Variants in B4GALT6 observed in about 807,000 individuals in gnomAD.
B4GALT6 encodes UDP-Gal:beta-GlcNAc beta-1,4-galactosyltransferase 6.
B4GALT6 carries 14 observed loss-of-function variants against 46.3 expected under a neutral mutation model. The observed-to-expected ratio is 0.30, with a 90% CI of 0.20 to 0.47. The LOEUF (loss-of-function observed/expected upper bound fraction) is 0.47. Among genes scored for constraint, B4GALT6 ranks in the 20% least tolerant of loss-of-function variants. The pLI, the probability that B4GALT6 is intolerant of heterozygous loss-of-function variation, is 0.99. For synonymous variants in B4GALT6, 168 were observed against 162.0 expected, an observed-to-expected ratio of 1.04 and a Z score of -0.28; for missense variants, 386 against 480.1, an observed-to-expected ratio of 0.80 and a Z score of 1.83.
upstream of B4GALT6, chr18:31,686,043 C>A (rs1404113223): frequency 6.6e-6 from 1 of 152,390 alleles, no homozygotes; most frequent in Non-Finnish European, 1.5e-5. Flanking sequence ...GGACGGGTGT[C>A]TTCATCCACC....
rs372325186 is a variant in B4GALT6, at chr18:31,625,470, T to A, written c.*144A>T. The A allele has an allele frequency of 2.4e-6, 2 of 840,882 alleles. No individual in the cohort carries two copies. Among genetic ancestry groups the A allele is most frequent in the East Asian group, 5.3e-5 (2 of 38,082 alleles). The allele number at this position is 840,882 out of a possible 1,614,324, so 52.1% of individuals were successfully genotyped here. A position where few individuals can be genotyped will look rare whatever the true frequency, so the allele number is the denominator to read the frequency against. On this transcript the variant is annotated 3_prime_UTR_variant, in exon 9 of 9. Transcript: ENST00000306851. Reference sequence around the variant, plus strand: ...GTGAGAGAAGGGTGACTGTATATAGTCCCACTCTGTAAACACTGTGGACTG... The same window carrying A: ...GTGAGAGAAGGGTGACTGTATATAGACCCACTCTGTAAACACTGTGGACTG...
chr18:31,709,229 TA>T, the B4GALT6 span, among the ~76,000 whole-genome samples: 1,877 of 151,786 alleles, frequency 0.012, 40 homozygotes, highest in African/African-American at 0.043. Context: ...CAAATTTATG[TA>T]TTTTTTTTTT....
chr18:31,630,828 G>C, intron 6 of B4GALT6, 131 bp downstream of exon 6: 1 of 973,754 alleles, frequency 1.0e-6, no homozygotes, highest in South Asian at 1.6e-5. Context: ...AGGAGGACAC[G>C]ATGGAGTTAA....
At chr18:31,691,974 A>G in the B4GALT6 span, among the ~76,000 whole-genome samples, 1,531 of 152,332 alleles carry the variant, frequency 0.01, 11 homozygotes, top group Non-Finnish European at 0.017. Context: ...CCAATTTGCC[A>G]TGACCAATAA....
chr18:31,638,909 G>T (rs1393812467), intron 4 of B4GALT6, 149 bp from the exon 5 acceptor site: 1 of 657,152 alleles, frequency 1.5e-6, no homozygotes, highest in Non-Finnish European at 2.6e-6. Context: ...AAGCAAACAC[G>T]CAAAAAGCCC....
chr18:31,670,882 C>A (rs1056348139), intron 1 of B4GALT6, among the ~76,000 whole-genome samples: 1 of 152,054 alleles, frequency 6.6e-6, no homozygotes, highest in Non-Finnish European at 1.5e-5. Context: ...GGTATTTCTC[C>A]TAATGTTATC....
At chr18:31,723,670 G>A in the B4GALT6 span, among the ~76,000 whole-genome samples, 1 of 152,164 alleles carries the variant, frequency 6.6e-6, no homozygotes, top group Non-Finnish European at 1.5e-5. Flanking sequence ...GCCTAATAGG[G>A]TGGTGAATTA....
the B4GALT6 span, among the ~76,000 whole-genome samples, chr18:31,717,730 G>A: frequency 1.2e-4 from 18 of 152,120 alleles, no homozygotes; most frequent in South Asian, 2.1e-3. Flanking sequence ...CGAGGCAGGC[G>A]GATCACCGGA....
At position 31,625,497 on chromosome 18, in the gene B4GALT6, TG is replaced by T; in HGVS notation, c.*116del. ...CCACTCTGTAAACACTGTGGACTGCTGGCTCTTCTCAGAGAAAAGGGCACTG... is the reference window on the plus strand; with the variant it reads ...CCACTCTGTAAACACTGTGGACTGCTGCTCTTCTCAGAGAAAAGGGCACTG... On this transcript the variant is annotated 3_prime_UTR_variant, in exon 9 of 9. Coordinates refer to ENST00000306851, the MANE Select transcript of B4GALT6 (RefSeq NM_004775.5). The T allele has an allele frequency of 8.8e-7, 1 of 1,135,798 alleles. No individual in the cohort carries two copies. The highest frequency in any genetic ancestry group is 1.3e-6 in the Non-Finnish European group (1 of 771,724). The allele number at this position is 1,135,798 out of a possible 1,614,324, so 70.4% of individuals were successfully genotyped here.
In B4GALT6 at chr18:31,657,914, G is replaced by A. The variant is rs140665967; in HGVS notation, c.346+62C>T. On this transcript the variant is annotated intron_variant, in intron 3 of 8. Transcript: ENST00000306851. ...TGCTCCTGCTGCACTCAAATCATGT[G>A]GTTTTTATGACTGTATTGTAACACA... The A allele has an allele frequency of 1.3e-5, 17 of 1,330,348 alleles. No homozygotes were observed. The East Asian group carries it at 3.5e-4, about 27-fold the overall frequency. 82.4% of individuals were successfully genotyped at this position (1,330,348 alleles called of 1,614,324 possible).
At chr18:31,703,496 G>A in the B4GALT6 span, among the ~76,000 whole-genome samples, 1 of 152,160 alleles carries the variant, frequency 6.6e-6, no homozygotes, top group Non-Finnish European at 1.5e-5. Flanking sequence ...TGTTTGGATT[G>A]TTTTAGGACT....
the B4GALT6 span, among the ~76,000 whole-genome samples, chr18:31,693,636 G>C: frequency 1.3e-5 from 2 of 152,152 alleles, no homozygotes; most frequent in African/African-American, 2.4e-5. Context: ...TGTGAAGAAA[G>C]AACTCAACAA....
chr18:31,642,721 T>C (rs1478216634), intron 4 of B4GALT6, among the ~76,000 whole-genome samples: 1 of 152,238 alleles, frequency 6.6e-6, no homozygotes, highest in African/African-American at 2.4e-5. Context: ...TTTGTTTGTG[T>C]TGCCCAGTCT....
At chr18:31,662,881 C>A (rs1374623551) in intron 2 of B4GALT6, among the ~76,000 whole-genome samples, 2 of 152,058 alleles carry the variant, frequency 1.3e-5, no homozygotes, top group African/African-American at 4.8e-5. Context: ...AATCATTATT[C>A]CTACAAAAGT....
At chr18:31,641,521 T>C (rs1300999076) in intron 4 of B4GALT6, among the ~76,000 whole-genome samples, 1 of 152,254 alleles carries the variant, frequency 6.6e-6, no homozygotes, top group Admixed American at 6.5e-5. Flanking sequence ...CTCCATAGTT[T>C]ACAATTTTTT....
intron 4 of B4GALT6, among the ~76,000 whole-genome samples, chr18:31,643,008 T>C (rs2073949226): frequency 1.3e-5 from 2 of 152,258 alleles, no homozygotes; most frequent in South Asian, 2.1e-4. Context: ...ATCAAGTTGA[T>C]GACAGATGTT....
chr18:31,652,021 C>T lies in B4GALT6; in HGVS notation c.346+5955G>A, dbSNP rs12456047. Among the ~76,000 whole-genome samples, 534 of 152,244 alleles carry T rather than the reference C, an allele frequency of 3.5e-3. 18 individuals are homozygous for T. Among genetic ancestry groups the T allele is most frequent in the Admixed American group, 0.033 (503 of 15,284 alleles). Reference sequence around the variant, plus strand: ...TCCTGACCTCATTATCTGCCCGCCTCGGCCTCTCAAAGTGCTGGGATTACA... The same window carrying T: ...TCCTGACCTCATTATCTGCCCGCCTTGGCCTCTCAAAGTGCTGGGATTACA... On this transcript the variant is annotated intron_variant, in intron 3 of 8. Transcript: ENST00000306851.
intron 2 of B4GALT6, 169 bp from the exon 3 acceptor site, chr18:31,658,258 C>A (rs1214073647): frequency 3.7e-6 from 2 of 535,630 alleles, no homozygotes; most frequent in East Asian, 6.2e-5. Context: ...CTGCGGGGAA[C>A]AGACCTCTCA....
In B4GALT6 at chr18:31,645,471, G is replaced by T. The variant is rs1207553598; in HGVS notation, c.355C>A (p.Leu119Ile). ...CTGACTTCGCTTACATTGACATTGA[G>T]GAATCCTCCTACAAATTAAAAATGT... ...PEKLPYMRGFLNVNVSEVSFD... is the reference protein window; with the variant it reads ...PEKLPYMRGFINVNVSEVSFD... Residue 119 changes from leucine to isoleucine, a missense_variant, in exon 4 of 9, where the codon CTC becomes ATC. Around this residue, in one of 2 missense-constraint regions of B4GALT6, gnomAD observed 323 missense variants for 438.9 expected, o/e 0.74. Transcript: ENST00000306851. 4 of 1,606,492 alleles carry T rather than the reference G, an allele frequency of 2.5e-6. No individual in the cohort carries two copies. The highest frequency in any genetic ancestry group is 3.4e-6 in the Non-Finnish European group (4 of 1,178,330).
Sources: gnomAD v4.1 joint callset for allele counts (sites outside exome capture counted in the v4.1 genomes callset) on GRCh38, gnomAD v4.1.1 for gene constraint, gnomAD v4.1.1 regional missense constraint, MANE v1.5 for transcripts, NCBI Gene and HGNC (gene_info 2026-07-23, HGNC 2026-07-21) for gene names.